Variants in CLPTM1L observed in about 807,000 individuals in gnomAD.
CLPTM1L encodes lipid scramblase CLPTM1L.
A neutral mutation model predicts 70.9 loss-of-function variants in CLPTM1L; 38 were observed. The observed-to-expected ratio is 0.54, with a 90% CI of 0.41 to 0.70. The LOEUF (loss-of-function observed/expected upper bound fraction) is 0.70, where lower values mean the gene tolerates loss of function less well. Among genes scored for constraint, CLPTM1L ranks in the 30% least tolerant of loss-of-function variants. The probability of loss-of-function intolerance (pLI) is 0.00; values close to 1 mark genes in which losing one functional copy is unlikely to be tolerated. For synonymous variants in CLPTM1L, 339 were observed against 299.9 expected, an observed-to-expected ratio of 1.13 and a Z score of -1.35; for missense variants, 652 against 705.9, an observed-to-expected ratio of 0.92 and a Z score of 0.87.
chr5:1,317,892 A>G lies in CLPTM1L; in HGVS notation c.*477T>C, dbSNP rs1275494968. ...TGCCACAGCCAGAAAAATTTATTTT[A>G]AAATAGAAACATACATTAAGCTTTA... On this transcript the variant is annotated 3_prime_UTR_variant, in exon 17 of 17. Transcript: ENST00000320895. 1 of 154,848 alleles carries G rather than the reference A, an allele frequency of 6.5e-6. No individual in the cohort carries two copies. Among genetic ancestry groups the G allele is most frequent in the Non-Finnish European group, 1.4e-5 (1 of 69,928 alleles). 9.6% of individuals were successfully genotyped at this position (154,848 alleles called of 1,614,324 possible). A position where few individuals can be genotyped will look rare whatever the true frequency, so the allele number is the denominator to read the frequency against.
intron 8 of CLPTM1L, chr5:1,331,528 C>G: frequency 3.5e-6 from 2 of 564,226 alleles, no homozygotes; most frequent in Non-Finnish European, 6.3e-6. Flanking sequence ...CAGCCCAGAC[C>G]CAGACCCCAT....
At chr5:1,321,227 G>A (rs540935132) in intron 15 of CLPTM1L, among the ~76,000 whole-genome samples, 1 of 152,360 alleles carries the variant, frequency 6.6e-6, no homozygotes, top group African/African-American at 2.4e-5. Flanking sequence ...ATCCCACACG[G>A]AGCCAAGGGG....
At chr5:1,341,613 CAT>C in intron 3 of CLPTM1L, 56 bp downstream of exon 3, 1 of 1,441,376 alleles carries the variant, frequency 6.9e-7, no homozygotes, top group Non-Finnish European at 9.4e-7. Context: ...TGGAGAAAGA[CAT>C]GTCCGTTCTG....
At chr5:1,334,786 A>ACAAACAAAC (rs1561246247) in intron 6 of CLPTM1L, among the ~76,000 whole-genome samples, 4 of 140,694 alleles carry the variant, frequency 2.8e-5, no homozygotes, top group Non-Finnish European at 6.3e-5. Flanking sequence ...AACAAACAAT[A>ACAAACAAAC]AAAATAAATC....
Position 1,329,564 on chromosome 5 carries a change from G to A in CLPTM1L, c.1080+716C>T, listed in dbSNP as rs954275792. Among the ~76,000 whole-genome samples the A allele has an allele frequency of 1.5e-4, 20 of 130,342 alleles. 1 individual carries two copies. Among genetic ancestry groups the A allele is most frequent in the Admixed American group, 9.4e-4 (12 of 12,760 alleles). 85.5% of individuals were successfully genotyped at this position (130,342 alleles called of 152,430 possible). A position where few individuals can be genotyped will look rare whatever the true frequency, so the allele number is the denominator to read the frequency against. ...CTCTGCTTGGTGGACAGGGCCTCAG[G>A]ACTCTCTGCTTGGTGGACAGGGCCT... On this transcript the variant is annotated intron_variant, in intron 9 of 16. Coordinates refer to ENST00000320895, the MANE Select transcript of CLPTM1L (RefSeq NM_030782.5).
chr5:1,325,828 A>T lies in CLPTM1L; in HGVS notation c.1081-12T>A. ...TTCACTTTCCACAGCTGAGGGGAGAAATCAGGAAATAGTTCCTTTAATATT... is the reference window on the plus strand; with the variant it reads ...TTCACTTTCCACAGCTGAGGGGAGATATCAGGAAATAGTTCCTTTAATATT... On this transcript the variant is annotated splice_polypyrimidine_tract_variant and intron_variant, in intron 9 of 16. Coordinates refer to ENST00000320895, the MANE Select transcript of CLPTM1L (RefSeq NM_030782.5). 2 of 1,612,772 alleles carry T rather than the reference A, an allele frequency of 1.2e-6. No individual in the cohort carries two copies. Among genetic ancestry groups the T allele is most frequent in the Non-Finnish European group, 1.7e-6 (2 of 1,178,956 alleles).
rs1754182225 is a variant in CLPTM1L, at chr5:1,344,919, C to G, written c.-78G>C. On this transcript the variant is annotated 5_prime_UTR_variant, in exon 1 of 17. Transcript: ENST00000320895. ...CGCCCGCCCGGCGCCCAGCCCGCCG[C>G]TCCGGGCTCCGCCGCTCACTGGAGA... is the stretch of plus-strand genomic sequence containing the variant. The G allele has an allele frequency of 1.2e-6, 1 of 851,228 alleles. No individual in the cohort carries two copies. Among genetic ancestry groups the G allele is most frequent in the African/African-American group, 2.0e-5 (1 of 49,686 alleles). The allele number at this position is 851,228 out of a possible 1,614,324, so 52.7% of individuals were successfully genotyped here.
In CLPTM1L at chr5:1,317,989, G is replaced by A. The variant is rs562349100; in HGVS notation, c.*380C>T. Reference sequence around the variant, plus strand: ...AGTCCATGCGGAATGAATTCCATACGTGTTTGAAATTCACATAAGGAGCAC... The same window carrying A: ...AGTCCATGCGGAATGAATTCCATACATGTTTGAAATTCACATAAGGAGCAC... On this transcript the variant is annotated 3_prime_UTR_variant, in exon 17 of 17. Transcript: ENST00000320895. 20 of 213,600 alleles carry A rather than the reference G, an allele frequency of 9.4e-5. 1 individual carries two copies. In the South Asian group the frequency reaches 2.9e-3, roughly 31 times the overall value. The allele number at this position is 213,600 out of a possible 1,614,324, so 13.2% of individuals were successfully genotyped here.
At chr5:1,329,001 G>GCATCCAGCTCCTCCTCTACAGACACATTC (rs1561237841) in intron 9 of CLPTM1L, among the ~76,000 whole-genome samples, 18 of 144,320 alleles carry the variant, frequency 1.2e-4, no homozygotes, top group Admixed American at 2.1e-4. Context: ...CAGAGACATT[G>GCATCCAGCTCCTCCTCTACAGACACATTC]CATCCAGCTC....
At chr5:1,339,890 G>A (rs977873092) in intron 3 of CLPTM1L, among the ~76,000 whole-genome samples, 3 of 146,966 alleles carry the variant, frequency 2.0e-5, no homozygotes, top group Non-Finnish European at 4.5e-5. Flanking sequence ...AACTGTGCCC[G>A]GGACAGCAGG....
rs1754182957 is a variant in CLPTM1L at position 1,344,940 on chromosome 5, G to A, written c.-99C>T. On this transcript the variant is annotated 5_prime_UTR_variant, in exon 1 of 17. It introduces an in-frame stop codon into an upstream open reading frame of the 5' UTR. Transcript: ENST00000320895. ...GCCGCTCCGGGCTCCGCCGCTCACT[G>A]GAGAGCCGCCGCGCGCCACCGCCAC... The A allele has an allele frequency of 1.4e-6, 1 of 691,630 alleles. No individual in the cohort carries two copies. The highest frequency in any genetic ancestry group is 2.0e-5 in the African/African-American group (1 of 51,214). The allele number at this position is 691,630 out of a possible 1,614,324, so 42.8% of individuals were successfully genotyped here. A position where few individuals can be genotyped will look rare whatever the true frequency, so the allele number is the denominator to read the frequency against.
chr5:1,324,939 A>G, intron 10 of CLPTM1L, 126 bp from the exon 11 acceptor site: 1 of 818,908 alleles, frequency 1.2e-6, no homozygotes, highest in Non-Finnish European at 2.1e-6. Flanking sequence ...GAGGGCGCTC[A>G]GGTCCCTACC....
chr5:1,339,758 G>A lies in CLPTM1L; in HGVS notation c.454-753C>T, dbSNP rs545879835. ...ATGGCCACGCACATGGAAAAACCGC[G>A]CCCGGACAGCAGGGTCAGCACCCTA... On this transcript the variant is annotated intron_variant, in intron 3 of 16. Coordinates refer to ENST00000320895, the MANE Select transcript of CLPTM1L (RefSeq NM_030782.5). 4.4e-3 allele frequency among the ~76,000 whole-genome samples: 304 copies of A among 68,360 alleles called. 14 individuals carry two copies. Among genetic ancestry groups the A allele is most frequent in the Non-Finnish European group, 6.8e-3 (239 of 35,084 alleles). The allele number at this position is 68,360 out of a possible 152,430, so 44.8% of individuals were successfully genotyped here. A position where few individuals can be genotyped will look rare whatever the true frequency, so the allele number is the denominator to read the frequency against.
intron 9 of CLPTM1L, among the ~76,000 whole-genome samples, chr5:1,328,685 T>C (rs1752825012): frequency 6.7e-6 from 1 of 150,314 alleles, no homozygotes; most frequent in Non-Finnish European, 1.5e-5. Flanking sequence ...ACACATTTCA[T>C]CCAGCTCCTC....
chr5:1,321,654 C>A lies in CLPTM1L; in HGVS notation c.1397G>T (p.Trp466Leu). 1 of 1,613,968 alleles carries A rather than the reference C, an allele frequency of 6.2e-7. No homozygotes were observed. Among genetic ancestry groups the A allele is most frequent in the Non-Finnish European group, 8.5e-7 (1 of 1,180,032 alleles). ...ACTCACCTTGTAGGTGAAGGCCTTC[C>A]AGGGCAGATGTGCCACTGACTTCAA... ...YKLKSVAHLPWKAFTYKAFNT... is the reference protein window; with the variant it reads ...YKLKSVAHLPLKAFTYKAFNT... Residue 466 changes from tryptophan to leucine, a missense_variant, in exon 15 of 17, where the codon TGG (tryptophan) becomes TTG (leucine). Around this residue, in one of 3 missense-constraint regions of CLPTM1L, gnomAD observed 240 missense variants for 295.0 expected, o/e 0.81. Transcript: ENST00000320895.
intron 3 of CLPTM1L, among the ~76,000 whole-genome samples, chr5:1,341,375 C>A (rs7732291): frequency 0.09 from 13,701 of 152,240 alleles, 1,585 homozygotes; most frequent in African/African-American, 0.28. Context: ...CTCCATCCCA[C>A]CAGGTGCAGT....
intron 2 of CLPTM1L, among the ~76,000 whole-genome samples, chr5:1,343,747 A>G (rs1754095404): frequency 6.6e-6 from 1 of 152,172 alleles, no homozygotes; most frequent in Admixed American, 6.5e-5. Flanking sequence ...TCAAACTTTC[A>G]TTATTCTCTC....
At chr5:1,339,028 G>A (rs377045785) in intron 3 of CLPTM1L, 23 bp from the exon 4 acceptor site, 36 of 1,606,984 alleles carry the variant, frequency 2.2e-5, no homozygotes, top group East Asian at 2.2e-4. Flanking sequence ...GAAAACAGAG[G>A]CCAATGCTGG....
chr5:1,328,421 CCATCCAGCTCCTCCTCTACAGACACATTT>C (rs1752793250), intron 9 of CLPTM1L, among the ~76,000 whole-genome samples: 1 of 121,872 alleles, frequency 8.2e-6, no homozygotes, highest in Non-Finnish European at 1.8e-5. Context: ...CAGACACATT[CCATCCAGCTCCTCCTCTACAGACACATTT>C]CATCCAGCTC....
Sources: gnomAD v4.1 joint callset for allele counts (sites outside exome capture counted in the v4.1 genomes callset) on GRCh38, gnomAD v4.1.1 for gene constraint, gnomAD v4.1.1 regional missense constraint, MANE v1.5 for transcripts, NCBI Gene and HGNC (gene_info 2026-07-23, HGNC 2026-07-21) for gene names.